The following ZNF821 variants were observed in gnomAD, a reference collection of about 807,000 sequenced individuals.
ZNF821 encodes zinc finger protein 821.
Under a neutral mutation model 44.3 loss-of-function variants are expected in ZNF821, and 16 were observed. The observed-to-expected ratio is 0.36, with a 90% CI of 0.24 to 0.55. The LOEUF (loss-of-function observed/expected upper bound fraction) is 0.55, where lower values mean the gene tolerates loss of function less well. Among genes scored for constraint, ZNF821 ranks in the 20% least tolerant of loss-of-function variants. ZNF821 has a pLI of 0.86. For missense variants in ZNF821, 436 were observed against 547.6 expected (o/e 0.80, Z 2.03); for synonymous variants, 204 against 197.6 (o/e 1.03, Z -0.27).
chr16:71,893,751 G>A (rs2036910283), intron 1 of ZNF821, among the ~76,000 whole-genome samples: 2 of 150,870 alleles, frequency 1.3e-5, no homozygotes, highest in South Asian at 2.1e-4. Context: ...AAGCCACCAT[G>A]CCCAGCCAAA....
chr16:71,892,565 G>A (rs2036893756), intron 1 of ZNF821, among the ~76,000 whole-genome samples: 1 of 147,314 alleles, frequency 6.8e-6, no homozygotes, highest in Middle Eastern at 3.9e-3. Flanking sequence ...ACCGTGCCCG[G>A]CCAAAATTTT....
intron 3 of ZNF821, among the ~76,000 whole-genome samples, chr16:71,879,110 A>C (rs191816146): frequency 2.0e-5 from 3 of 152,162 alleles, no homozygotes; most frequent in African/African-American, 7.2e-5. Flanking sequence ...AAAAACCTTC[A>C]GTAGTTCCCT....
At chr16:71,883,543 A>G in intron 1 of ZNF821, 1 of 211,168 alleles carries the variant, frequency 4.7e-6, no homozygotes, top group Non-Finnish European at 9.7e-6. Flanking sequence ...GCGGGGACTG[A>G]TACCCCCCGG....
upstream of ZNF821, among the ~76,000 whole-genome samples, chr16:71,887,988 G>T (rs1360614390): frequency 6.6e-6 from 1 of 150,752 alleles, no homozygotes; most frequent in Non-Finnish European, 1.5e-5. Flanking sequence ...TCAGCCTCCC[G>T]AGTAGCTGGG....
intron 3 of ZNF821, among the ~76,000 whole-genome samples, chr16:71,876,453 C>T (rs2035826618): frequency 6.6e-6 from 1 of 152,190 alleles, no homozygotes; most frequent in South Asian, 2.1e-4. Flanking sequence ...CCACCTCCTG[C>T]CTCGGCCTCC....
intron 6 of ZNF821, among the ~76,000 whole-genome samples, chr16:71,863,876 T>TA: frequency 6.6e-6 from 1 of 152,224 alleles, no homozygotes; most frequent in Non-Finnish European, 1.5e-5. Context: ...ATTTGTATTT[T>TA]TGGTAGAGAC....
chr16:71,882,459 T>G (rs1225430871), intron 2 of ZNF821, among the ~76,000 whole-genome samples: 1 of 152,176 alleles, frequency 6.6e-6, no homozygotes, highest in Non-Finnish European at 1.5e-5. Flanking sequence ...AAGTCCCTTC[T>G]GAAGGAAGGC....
chr16:71,879,523 A>G (rs2036203557), intron 3 of ZNF821, among the ~76,000 whole-genome samples: 1 of 152,084 alleles, frequency 6.6e-6, no homozygotes. Flanking sequence ...ACTATCATTC[A>G]TATTTATATA....
intron 3 of ZNF821, among the ~76,000 whole-genome samples, chr16:71,879,123 G>A (rs903685095): frequency 6.6e-6 from 1 of 151,994 alleles, no homozygotes; most frequent in African/African-American, 2.4e-5. Flanking sequence ...AGTTCCCTAC[G>A]GACTATAGAA....
chr16:71,889,504 C>T (rs1221333840), upstream of ZNF821, among the ~76,000 whole-genome samples: 1 of 152,034 alleles, frequency 6.6e-6, no homozygotes, highest in Non-Finnish European at 1.5e-5. Flanking sequence ...GAAACTCTTT[C>T]TCTAATAAAA....
intron 6 of ZNF821, 87 bp downstream of exon 6, chr16:71,864,051 G>C (rs766123737): frequency 2.0e-4 from 234 of 1,186,378 alleles, no homozygotes; most frequent in Non-Finnish European, 4.5e-5. Flanking sequence ...TCAGGAGCCA[G>C]AGAGAGACAA....
chr16:71,882,563 G>A (rs1213481141), intron 2 of ZNF821, among the ~76,000 whole-genome samples: 1 of 152,184 alleles, frequency 6.6e-6, no homozygotes, highest in Non-Finnish European at 1.5e-5. Flanking sequence ...AATGCCCGCT[G>A]CATCTTATAA....
chr16:71,872,183 A>G (rs1220427820), intron 3 of ZNF821, among the ~76,000 whole-genome samples: 1 of 152,132 alleles, frequency 6.6e-6, no homozygotes, highest in East Asian at 1.9e-4. Flanking sequence ...GCAAGTTTGG[A>G]GAACAGATGA....
intron 3 of ZNF821, among the ~76,000 whole-genome samples, chr16:71,878,408 C>T (rs1326302928): frequency 6.6e-6 from 1 of 151,864 alleles, no homozygotes; most frequent in Non-Finnish European, 1.5e-5. Flanking sequence ...CAAGCCACCG[C>T]GCCCGGCCAC....
In ZNF821 at chr16:71,883,981, G is replaced by A. The variant is rs1267272157; in HGVS notation, c.-214C>T. The A allele has an allele frequency of 6.6e-6, 1 of 152,094 alleles. No individual in the cohort carries two copies. Among genetic ancestry groups the A allele is most frequent in the African/African-American group, 2.4e-5 (1 of 41,412 alleles). The allele number at this position is 152,094 out of a possible 1,614,324, so 9.4% of individuals were successfully genotyped here. A position where few individuals can be genotyped will look rare whatever the true frequency, so the allele number is the denominator to read the frequency against. ...CGGACAGACGGACCGCCGGACAATG[G>A]ACCCGGGACCGCAGCCCAAGCCAGC... On this transcript the variant is annotated 5_prime_UTR_variant, in exon 1 of 8. Transcript: ENST00000425432.
chr16:71,876,323 C>T (rs2035810655), intron 3 of ZNF821, among the ~76,000 whole-genome samples: 1 of 152,068 alleles, frequency 6.6e-6, no homozygotes, highest in Non-Finnish European at 1.5e-5. Flanking sequence ...CCTGCCTCAG[C>T]CTCCCGAGTA....
intron 4 of ZNF821, 45 bp from the exon 5 acceptor site, chr16:71,865,093 A>G (rs372619064): frequency 8.1e-6 from 13 of 1,613,268 alleles, no homozygotes; most frequent in Admixed American, 1.7e-5. Flanking sequence ...TTGCATGAAT[A>G]CATCCTGAGC....
chr16:71,870,260 T>C (rs561866993), intron 3 of ZNF821, among the ~76,000 whole-genome samples: 44 of 152,150 alleles, frequency 2.9e-4, no homozygotes, highest in African/African-American at 1.0e-3. Context: ...CATGTTAAAG[T>C]CTACTCTTAG....
At chr16:71,872,980 G>C (rs1317615847) in intron 3 of ZNF821, among the ~76,000 whole-genome samples, 2 of 152,184 alleles carry the variant, frequency 1.3e-5, no homozygotes, top group African/African-American at 2.4e-5. Flanking sequence ...CTAAATGAAA[G>C]TGTACAACAC....
Sources: allele counts gnomAD v4.1 joint callset (sites outside exome capture counted in the v4.1 genomes callset), GRCh38; gene constraint gnomAD v4.1.1; transcripts MANE v1.5; gene names NCBI Gene and HGNC (gene_info 2026-07-23, HGNC 2026-07-21).